The following THRAP3 variants were observed in gnomAD, a reference collection of about 807,000 sequenced individuals.
THRAP3 encodes thyroid hormone receptor-associated protein 3.
In THRAP3, 16 loss-of-function variants were observed where a neutral mutation model predicts 101.0. That is an observed-to-expected ratio of 0.16 (90% CI 0.11 to 0.24). The LOEUF (loss-of-function observed/expected upper bound fraction) is 0.24. Ranked by LOEUF, THRAP3 falls within the 10% of genes least tolerant of loss-of-function variation. The pLI, the probability that THRAP3 is intolerant of heterozygous loss-of-function variation, is 1.00. For synonymous variants in THRAP3, 407 were observed against 422.6 expected (o/e 0.96, Z 0.45); for missense variants, 989 against 1,202.7 (o/e 0.82, Z 2.63).
At chr1:36,264,200 A>G (rs1379236808) in intron 2 of THRAP3, among the ~76,000 whole-genome samples, 1 of 152,216 alleles carries the variant, frequency 6.6e-6, no homozygotes, top group Admixed American at 6.5e-5. Context: ...ATAAATAGCA[A>G]GAAAATAGAA....
intron 2 of THRAP3, among the ~76,000 whole-genome samples, chr1:36,269,041 T>TTTTTGTTTGA (rs1645554770): frequency 2.0e-5 from 3 of 151,964 alleles, no homozygotes; most frequent in African/African-American, 2.4e-5. Context: ...AGTTTTTTAA[T>TTTTTGTTTGA]CTGGAGAAAA....
chr1:36,257,671 G>C (rs1015709302), intron 1 of THRAP3, among the ~76,000 whole-genome samples: 1 of 152,158 alleles, frequency 6.6e-6, no homozygotes, highest in Admixed American at 6.6e-5. Flanking sequence ...TTCACTCATC[G>C]CAACAATGGG....
chr1:36,301,484 A>G, intron 10 of THRAP3, 69 bp from the exon 11 acceptor site: 1 of 1,561,980 alleles, frequency 6.4e-7, no homozygotes, highest in East Asian at 2.2e-5. Context: ...GTTTGAACAA[A>G]AAGCAGGGGG....
intron 4 of THRAP3, chr1:36,288,023 T>C (rs1298977670): frequency 3.1e-6 from 3 of 953,596 alleles, no homozygotes; most frequent in African/African-American, 3.5e-5. Context: ...GTATTTAGCA[T>C]GTTTTTTGAT....
chr1:36,261,457 C>T (rs907906065), intron 2 of THRAP3, among the ~76,000 whole-genome samples: 3 of 152,106 alleles, frequency 2.0e-5, no homozygotes, highest in Non-Finnish European at 2.9e-5. Context: ...GGCGTGAACC[C>T]GGGAGGCGGA....
intron 9 of THRAP3, among the ~76,000 whole-genome samples, chr1:36,298,703 T>C (rs1227358217): frequency 6.6e-6 from 1 of 152,162 alleles, no homozygotes; most frequent in African/African-American, 2.4e-5. Context: ...GGGCTTGCTA[T>C]GTTTCCCATG....
At position 36,305,189 on chromosome 1, in the gene THRAP3, C is replaced by A. The variant is rs1411054449; in HGVS notation, c.*1172C>A. 9.0e-6 allele frequency: 2 copies of A among 221,882 alleles called. No individual in the cohort carries two copies. The highest frequency in any genetic ancestry group is 1.8e-5 in the Non-Finnish European group (2 of 110,954). The allele number at this position is 221,882 out of a possible 1,614,324, so 13.7% of individuals were successfully genotyped here. A position where few individuals can be genotyped will look rare whatever the true frequency, so the allele number is the denominator to read the frequency against. ...GCGGACTGCACCCACCTCTCCCCCCCAGCCTTTGCCTCTTGCGTTGTTGTG... is the reference window on the plus strand; with the variant it reads ...GCGGACTGCACCCACCTCTCCCCCCAAGCCTTTGCCTCTTGCGTTGTTGTG... On this transcript the variant is annotated 3_prime_UTR_variant, in exon 12 of 12. Transcript: ENST00000354618.
chr1:36,229,993 T>C (rs1182458282), intron 1 of THRAP3, among the ~76,000 whole-genome samples: 1 of 140,352 alleles, frequency 7.1e-6, no homozygotes, highest in Middle Eastern at 3.8e-3. Flanking sequence ...CTGTCTCTAT[T>C]GCCTAGGCTG....
In THRAP3 at chr1:36,304,546, A is replaced by G. The variant is rs187450906; in HGVS notation, c.*529A>G. 5 of 222,122 alleles carry G rather than the reference A, an allele frequency of 2.3e-5. No individual in the cohort carries two copies. In the East Asian group the frequency reaches 3.2e-4, roughly 14 times the overall value. The allele number at this position is 222,122 out of a possible 1,614,324, so 13.8% of individuals were successfully genotyped here. A position where few individuals can be genotyped will look rare whatever the true frequency, so the allele number is the denominator to read the frequency against. Reference sequence around the variant, plus strand: ...TTGAAAGAGAAAACAAAAGCATGTGAATAAACTTTGAAGTGTTCACCTCAG... The same window carrying G: ...TTGAAAGAGAAAACAAAAGCATGTGGATAAACTTTGAAGTGTTCACCTCAG... On this transcript the variant is annotated 3_prime_UTR_variant, in exon 12 of 12. Coordinates refer to ENST00000354618, the MANE Select transcript of THRAP3 (RefSeq NM_005119.4).
At chr1:36,290,858 T>G (rs1173291862) in intron 5 of THRAP3, among the ~76,000 whole-genome samples, 1 of 152,198 alleles carries the variant, frequency 6.6e-6, no homozygotes, top group Non-Finnish European at 1.5e-5. Context: ...GGTTTTTTAC[T>G]TGGTGTAAAC....
At chr1:36,240,014 C>T (rs1391970787) in intron 1 of THRAP3, among the ~76,000 whole-genome samples, 1 of 152,026 alleles carries the variant, frequency 6.6e-6, no homozygotes, top group East Asian at 1.9e-4. Context: ...GTTTGTTACA[C>T]AAAGAATATA....
chr1:36,207,873 A>C, the THRAP3 span, among the ~76,000 whole-genome samples: 1 of 152,034 alleles, frequency 6.6e-6, no homozygotes, highest in Non-Finnish European at 1.5e-5. Flanking sequence ...GCTCACTGCA[A>C]CCTCAGCCTC....
the THRAP3 span, among the ~76,000 whole-genome samples, chr1:36,214,046 GAAAGA>G: frequency 4.0e-3 from 530 of 130,978 alleles, 3 homozygotes; most frequent in Admixed American, 7.4e-3. Flanking sequence ...AAGAAAGAAA[GAAAGA>G]AAGAAAGAAA....
rs1435067139 is a variant in THRAP3 at position 36,282,056 on chromosome 1, A to G, written c.-31-477A>G. Among the ~76,000 whole-genome samples, 3 of 149,352 alleles carry G rather than the reference A, an allele frequency of 2.0e-5. No homozygotes were observed. In the South Asian group the frequency reaches 6.5e-4, roughly 33 times the overall value. On this transcript the variant is annotated intron_variant, in intron 2 of 11. Coordinates refer to ENST00000354618, the MANE Select transcript of THRAP3 (RefSeq NM_005119.4). Reference sequence around the variant, plus strand: ...CCATTGCACTCTAGCCTGGGCAACAAAAGCAAAACTCCTATCTCAAGAAAA... The same window carrying G: ...CCATTGCACTCTAGCCTGGGCAACAGAAGCAAAACTCCTATCTCAAGAAAA...
chr1:36,234,908 G>A (rs1043071890), intron 1 of THRAP3, among the ~76,000 whole-genome samples: 11 of 149,158 alleles, frequency 7.4e-5, no homozygotes, highest in African/African-American at 2.7e-4. Flanking sequence ...TCTGCCTCCC[G>A]GTTCAAGCAA....
chr1:36,214,339 C>A, the THRAP3 span, among the ~76,000 whole-genome samples: 1 of 152,202 alleles, frequency 6.6e-6, no homozygotes, highest in Non-Finnish European at 1.5e-5. Flanking sequence ...TTGACTCCTG[C>A]CCTTTCTCAG....
At chr1:36,264,987 C>T (rs770645214) in intron 2 of THRAP3, among the ~76,000 whole-genome samples, 1 of 152,138 alleles carries the variant, frequency 6.6e-6, no homozygotes, top group Non-Finnish European at 1.5e-5. Flanking sequence ...TTCCCTGTGT[C>T]TCCGCATATC....
chr1:36,287,593 G>A, intron 4 of THRAP3: 1 of 985,434 alleles, frequency 1.0e-6, no homozygotes, highest in African/African-American at 1.7e-5. Context: ...TCAAAAAAAA[G>A]TATGGTCTTT....
At chr1:36,240,271 A>G (rs1645139735) in intron 1 of THRAP3, among the ~76,000 whole-genome samples, 2 of 152,302 alleles carry the variant, frequency 1.3e-5, no homozygotes, top group Admixed American at 1.3e-4. Flanking sequence ...CCTCAAAACC[A>G]GGGAAGCCAA....
Sources: allele counts gnomAD v4.1 joint callset (sites outside exome capture counted in the v4.1 genomes callset), GRCh38; gene constraint gnomAD v4.1.1; transcripts MANE v1.5; gene names NCBI Gene and HGNC (gene_info 2026-07-23, HGNC 2026-07-21).